COL9A2: variants seen among roughly 807,000 people sequenced by gnomAD.
COL9A2 encodes the protein collagen alpha-2(IX) chain.
A neutral mutation model predicts 111.6 loss-of-function variants in COL9A2; 66 were observed. That is an observed-to-expected ratio of 0.59 (90% CI 0.48 to 0.73). The LOEUF is 0.73. COL9A2 is among the 30% of genes least tolerant of loss of function. The probability of loss-of-function intolerance (pLI) is 0.00; values close to 1 mark genes in which losing one functional copy is unlikely to be tolerated. For synonymous variants in COL9A2, 353 were observed against 364.1 expected (o/e 0.97, Z 0.35); for missense variants, 881 against 954.1 (o/e 0.92, Z 1.01).
At chr1:40,308,370 A>C in intron 16 of COL9A2, 125 bp from the exon 17 acceptor site, 4 of 960,080 alleles carry the variant, frequency 4.2e-6, no homozygotes, top group Non-Finnish European at 4.9e-6. Context: ...AGGCCACACC[A>C]TGCAGGGGCC....
intron 1 of COL9A2, 194 bp from the exon 2 acceptor site, chr1:40,315,858 C>G (rs532451741): frequency 8.4e-6 from 4 of 475,922 alleles, no homozygotes; most frequent in Non-Finnish European, 1.5e-5. Flanking sequence ...ATACTCAGAA[C>G]CGGGAGGCGG....
Position 40,307,352 on chromosome 1 carries a change from G to C in COL9A2, c.1008+94C>G. 1.7e-6 allele frequency: 2 copies of C among 1,197,790 alleles called. No homozygotes were observed. The highest frequency in any genetic ancestry group is 2.4e-6 in the Non-Finnish European group (2 of 821,578). The allele number at this position is 1,197,790 out of a possible 1,614,324, so 74.2% of individuals were successfully genotyped here. On this transcript the variant is annotated intron_variant, in intron 19 of 31. Transcript: ENST00000372748. This position sits in a 1 kb window ranked among gnomAD's most constrained non-coding sequence, Gnocchi z 4.8. ...CACAGAGTTGGTAACAAGGCAAGAG[G>C]TGGTGATTGAGCAAGAGCCCCGGGT...
At position 40,301,395 on chromosome 1, in the gene COL9A2, A is replaced by G; in HGVS notation, c.1871-14T>C. 6.2e-7 allele frequency: 1 copy of G among 1,602,698 alleles called. No homozygotes were observed. Among genetic ancestry groups the G allele is most frequent in the Non-Finnish European group, 8.5e-7 (1 of 1,174,514 alleles). ...GGCCAGGGAGTCCTGTGAACAGGAG[A>G]AAGTCAAGACATTAGGGGCACCTCT... is the stretch of plus-strand genomic sequence containing the variant. On this transcript the variant is annotated splice_polypyrimidine_tract_variant and intron_variant, in intron 31 of 31. Transcript: ENST00000372748.
At position 40,314,790 on chromosome 1, in the gene COL9A2, C is replaced by G. The variant is rs929783117; in HGVS notation, c.151-403G>C. ...GGGATGAGCGAGTTGGGCAGCAGCTCTATTCCAGACTGCAGGGCAGGAGAA... is the reference window on the plus strand; with the variant it reads ...GGGATGAGCGAGTTGGGCAGCAGCTGTATTCCAGACTGCAGGGCAGGAGAA... On this transcript the variant is annotated intron_variant, in intron 2 of 31. Coordinates refer to ENST00000372748, the MANE Select transcript of COL9A2 (RefSeq NM_001852.4). This position sits in a 1 kb window ranked among gnomAD's most constrained non-coding sequence, Gnocchi z 4.1. Among the ~76,000 whole-genome samples, 1 of 152,092 alleles carries G rather than the reference C, an allele frequency of 6.6e-6. No individual in the cohort carries two copies. The highest frequency in any genetic ancestry group is 6.5e-5 in the Admixed American group (1 of 15,274).
In COL9A2 at chr1:40,316,536, C is replaced by T. The variant is rs1406292073; in HGVS notation, c.75+587G>A. On this transcript the variant is annotated intron_variant, in intron 1 of 31. Transcript: ENST00000372748. The surrounding 1 kb of genome is among the most constrained non-coding windows in gnomAD (Gnocchi z 5.5). ...CCCTTTTAAGAGGCCAGCTCGGACC[C>T]AGGCAGGGGTCCCGGTGCCCACGAC... 1 of 448,268 alleles carries T rather than the reference C, an allele frequency of 2.2e-6. No homozygotes were observed. Among genetic ancestry groups the T allele is most frequent in the African/African-American group, 2.0e-5 (1 of 48,916 alleles). The allele number at this position is 448,268 out of a possible 1,614,324, so 27.8% of individuals were successfully genotyped here. A position where few individuals can be genotyped will look rare whatever the true frequency, so the allele number is the denominator to read the frequency against.
intron 23 of COL9A2, 30 bp downstream of exon 23, chr1:40,304,446 C>A (rs1340627639): frequency 1.9e-6 from 3 of 1,613,874 alleles, no homozygotes; most frequent in African/African-American, 2.7e-5. Flanking sequence ...GGATATGACG[C>A]CCTGCCCACC....
chr1:40,305,692 G>A (rs1644017577), intron 21 of COL9A2, 23 bp downstream of exon 21: 1 of 1,612,522 alleles, frequency 6.2e-7, no homozygotes, highest in Non-Finnish European at 8.5e-7. Flanking sequence ...AGGAACCCTT[G>A]TGTCAGTGCA....
intron 2 of COL9A2, chr1:40,315,313 A>C: frequency 7.8e-7 from 1 of 1,288,026 alleles, no homozygotes; most frequent in East Asian, 3.4e-5. Flanking sequence ...AGGGGAAAGG[A>C]GAGGAGGGGG....
At chr1:40,308,621 T>A (rs534065632) in intron 16 of COL9A2, among the ~76,000 whole-genome samples, 1 of 152,154 alleles carries the variant, frequency 6.6e-6, no homozygotes, top group South Asian at 2.1e-4. Flanking sequence ...TTTGAGATAA[T>A]TGGGAAAAAC....
chr1:40,309,840 C>G, intron 16 of COL9A2, 98 bp downstream of exon 16: 1 of 1,172,476 alleles, frequency 8.5e-7, no homozygotes, highest in Non-Finnish European at 1.3e-6. Context: ...CTCACGCACA[C>G]ACTCATGCAC....
intron 2 of COL9A2, 189 bp downstream of exon 2, chr1:40,315,401 A>C: frequency 5.7e-6 from 8 of 1,403,538 alleles, no homozygotes; most frequent in Admixed American, 3.1e-5. Context: ...CGGGCTCCGC[A>C]TGTCAGGGCT....
In COL9A2 at chr1:40,303,563, G is replaced by T. The variant is rs750048263; in HGVS notation, c.1515C>A (p.Gly505=). The T allele has an allele frequency of 6.2e-7, 1 of 1,611,474 alleles. No homozygotes were observed. The part of the protein sequence containing the change: ...PGPRGLAGNR[G]VPGQPGRQGV... ...CCTGTCTCCCGGGCTGTCCTGGCACGCCTCGGTTCCCGGCCAGTCCTCGAG... is the reference window on the plus strand; with the variant it reads ...CCTGTCTCCCGGGCTGTCCTGGCACTCCTCGGTTCCCGGCCAGTCCTCGAG... Residue 505 remains glycine, a synonymous_variant, in exon 28 of 32, where the codon GGC becomes GGA. Coordinates refer to ENST00000372748, the MANE Select transcript of COL9A2 (RefSeq NM_001852.4). The surrounding 1 kb of genome is among the most constrained non-coding windows in gnomAD (Gnocchi z 4.6).
In COL9A2 at chr1:40,311,253, G is replaced by C. The variant is rs761059218; in HGVS notation, c.553C>G (p.Pro185Ala). The C allele has an allele frequency of 6.2e-7, 1 of 1,614,182 alleles. No homozygotes were observed. Among genetic ancestry groups the C allele is most frequent in the Non-Finnish European group, 8.5e-7 (1 of 1,180,024 alleles). ...ACCTTCACTCCCTGCAGCCCTGGGG[G>C]ACCTTTCATTCCGGGTGGACAGTTG... ...PTNCPPGMKG[P>A]PGLQGVKGHA... The change falls in exon 11 of 32, where the codon CCC (proline) becomes GCC (alanine). Residue 185 changes from proline (P) to alanine (A), a missense_variant. Physicochemically the swap from Pro to Ala is conservative, Grantham distance 27 (BLOSUM62 -1). Coordinates refer to ENST00000372748, the MANE Select transcript of COL9A2 (RefSeq NM_001852.4). This position sits in a 1 kb window ranked among gnomAD's most constrained non-coding sequence, Gnocchi z 5.1.
rs1182079739 is a variant in COL9A2, at chr1:40,312,356, A to C, written c.363+100T>G. On this transcript the variant is annotated intron_variant, in intron 7 of 31. Transcript: ENST00000372748. The surrounding 1 kb of genome is among the most constrained non-coding windows in gnomAD (Gnocchi z 6.0). ...ACTTATTCCTGACACTATCACAGCA[A>C]GCTGGCTCCTTCCCATGGTGGCCAT... The C allele has an allele frequency of 6.7e-7, 1 of 1,497,554 alleles. No homozygotes were observed. The highest frequency in any genetic ancestry group is 1.4e-5 in the African/African-American group (1 of 71,842). The allele number at this position is 1,497,554 out of a possible 1,614,324, so 92.8% of individuals were successfully genotyped here.
chr1:40,305,405 G>A lies in COL9A2; in HGVS notation c.1107+310C>T, dbSNP rs536070288. 1.7e-3 allele frequency among the ~76,000 whole-genome samples: 259 copies of A among 152,298 alleles called. 2 individuals carry two copies. The highest frequency in any genetic ancestry group is 6.0e-3 in the African/African-American group (248 of 41,552). On this transcript the variant is annotated intron_variant, in intron 21 of 31. Transcript: ENST00000372748. ...TTCCATTAAACTATACCCTCCATAT[G>A]AAGAGGAGACTCATAGTTGCAAGTG...
Position 40,308,129 on chromosome 1 carries a change from G to A in COL9A2, c.900+63C>T, listed in dbSNP as rs138395701. 466 of 1,522,908 alleles carry A rather than the reference G, an allele frequency of 3.1e-4. 3 individuals carry two copies. In the East Asian group the frequency reaches 9.6e-3, roughly 31 times the overall value. 94.3% of individuals were successfully genotyped at this position (1,522,908 alleles called of 1,614,324 possible). On this transcript the variant is annotated intron_variant, in intron 17 of 31. Transcript: ENST00000372748. ...TAGCATCCCAGGCTTCTCTTCTGGG[G>A]GTTTGGACAAAGCAGCTGGGCCCTG...
rs147567795 is a variant in COL9A2, at chr1:40,316,235, C to A, written c.76-571G>T. On this transcript the variant is annotated intron_variant, in intron 1 of 31. Transcript: ENST00000372748. This position sits in a 1 kb window ranked among gnomAD's most constrained non-coding sequence, Gnocchi z 5.5. ...AGAAAGGAGGTGTAGGGAGGTGAAG[C>A]GGGTACTATCTTCCCACTCGGAGCG... 2.3e-5 allele frequency: 4 copies of A among 171,172 alleles called. No individual in the cohort carries two copies. Among genetic ancestry groups the A allele is most frequent in the African/African-American group, 7.2e-5 (3 of 41,612 alleles). 10.6% of individuals were successfully genotyped at this position (171,172 alleles called of 1,614,324 possible). A position where few individuals can be genotyped will look rare whatever the true frequency, so the allele number is the denominator to read the frequency against.
rs777892229 is a variant in COL9A2 at position 40,309,431 on chromosome 1, TG to T, written c.846+506del. 5.8e-4 allele frequency among the ~76,000 whole-genome samples: 80 copies of T among 137,082 alleles called. 1 individual carries two copies. The highest frequency in any genetic ancestry group is 5.3e-3 in the East Asian group (24 of 4,510). The allele number at this position is 137,082 out of a possible 152,430, so 89.9% of individuals were successfully genotyped here. A position where few individuals can be genotyped will look rare whatever the true frequency, so the allele number is the denominator to read the frequency against. ...CGCTTCCCCCAACAGGTCTATTAAT[TG>T]GGAAAAAAAAAAAAAAAGAGTTAAG... is the stretch of plus-strand genomic sequence containing the variant. On this transcript the variant is annotated intron_variant, in intron 16 of 31. Coordinates refer to ENST00000372748, the MANE Select transcript of COL9A2 (RefSeq NM_001852.4).
At chr1:40,306,419 A>G (rs953330113) in intron 19 of COL9A2, among the ~76,000 whole-genome samples, 5 of 152,194 alleles carry the variant, frequency 3.3e-5, no homozygotes, top group African/African-American at 1.2e-4. Flanking sequence ...GAAGAGATGG[A>G]TATGTGCTCT....
Sources: gnomAD v4.1 joint callset for allele counts (sites outside exome capture counted in the v4.1 genomes callset) on GRCh38, gnomAD v4.1.1 for gene constraint, Gnocchi (gnomAD v3.1) non-coding constraint, MANE v1.5 for transcripts, NCBI Gene and HGNC (gene_info 2026-07-23, HGNC 2026-07-21) for gene names.